LRP1B: variants seen among roughly 807,000 people sequenced by gnomAD.
LRP1B encodes the protein low-density lipoprotein receptor-related protein 1B.
LRP1B carries 217 observed loss-of-function variants against 556.6 expected under a neutral mutation model. That is an observed-to-expected ratio of 0.39 (90% CI 0.35 to 0.44). The LOEUF (loss-of-function observed/expected upper bound fraction) is 0.44. Ranked by LOEUF, LRP1B falls within the 20% of genes least tolerant of loss-of-function variation. The pLI, the probability that LRP1B is intolerant of heterozygous loss-of-function variation, is 1.00. For missense variants in LRP1B, 5,053 were observed against 5,620.8 expected, an observed-to-expected ratio of 0.90 and a Z score of 3.23; for synonymous variants, 2,047 against 1,865.8, an observed-to-expected ratio of 1.10 and a Z score of -2.50.
chr2:140,657,023 T>G (rs1156833505), intron 41 of LRP1B, among the ~76,000 whole-genome samples: 1 of 152,094 alleles, frequency 6.6e-6, no homozygotes, highest in Non-Finnish European at 1.5e-5. Flanking sequence ...TATTATATTT[T>G]AAGTTCCCAA....
intron 17 of LRP1B, among the ~76,000 whole-genome samples, chr2:140,987,779 G>A (rs552915383): frequency 2.8e-4 from 42 of 152,172 alleles, no homozygotes; most frequent in African/African-American, 9.1e-4. Flanking sequence ...GCAGCCAGGA[G>A]TTTGAGACTA....
chr2:140,430,355 T>C (rs979216582), intron 66 of LRP1B, among the ~76,000 whole-genome samples: 2 of 152,324 alleles, frequency 1.3e-5, no homozygotes, highest in Admixed American at 1.3e-4. Context: ...TTATATGCGC[T>C]GAAAGAGGCT....
intron 7 of LRP1B, among the ~76,000 whole-genome samples, chr2:141,159,397 TTTTG>T (rs1012835669): frequency 3.3e-5 from 5 of 152,204 alleles, no homozygotes; most frequent in East Asian, 3.9e-4. Flanking sequence ...ATTTTTGTTT[TTTTG>T]TTTGTTTGTT....
At chr2:140,717,613 G>A (rs1388739006) in intron 35 of LRP1B, among the ~76,000 whole-genome samples, 3 of 152,092 alleles carry the variant, frequency 2.0e-5, no homozygotes, top group African/African-American at 7.2e-5. Flanking sequence ...TTTAAACACA[G>A]CCACCAGAAA....
intron 31 of LRP1B, among the ~76,000 whole-genome samples, chr2:140,835,464 C>T (rs1691866868): frequency 6.6e-6 from 1 of 152,160 alleles, no homozygotes; most frequent in Non-Finnish European, 1.5e-5. Context: ...TAACCTGCCG[C>T]CAGGCTCCAA....
chr2:141,689,812 C>A lies in LRP1B; in HGVS notation c.205+120467G>T, dbSNP rs191578793. ...ATCTATTTTAGGATAGAATAAACAC[C>A]AGTCAGCTGACTTATTTTTAAACAA... is the stretch of plus-strand genomic sequence containing the variant. On this transcript the variant is annotated intron_variant, in intron 2 of 90. Coordinates refer to ENST00000389484, the MANE Select transcript of LRP1B (RefSeq NM_018557.3). Among the ~76,000 whole-genome samples, 14 of 151,788 alleles carry A rather than the reference C, an allele frequency of 9.2e-5. No individual in the cohort carries two copies. In the East Asian group the frequency reaches 1.9e-3, roughly 21 times the overall value.
intron 3 of LRP1B, among the ~76,000 whole-genome samples, chr2:141,450,938 G>T (rs2105022240): frequency 6.6e-6 from 1 of 152,262 alleles, no homozygotes. Flanking sequence ...AACAAAACAT[G>T]CTCCTAATAA....
At chr2:141,459,036 C>T (rs1435160822) in intron 3 of LRP1B, among the ~76,000 whole-genome samples, 1 of 152,160 alleles carries the variant, frequency 6.6e-6, no homozygotes, top group African/African-American at 2.4e-5. Flanking sequence ...CAGAAACACC[C>T]TGATTCACCG....
chr2:141,782,013 A>G (rs1387200506), intron 2 of LRP1B, among the ~76,000 whole-genome samples: 1 of 152,112 alleles, frequency 6.6e-6, no homozygotes, highest in African/African-American at 2.4e-5. Flanking sequence ...TTGGTCTCTG[A>G]CCTATTTTAC....
chr2:142,046,104 G>A (rs1293172871), intron 1 of LRP1B, among the ~76,000 whole-genome samples: 1 of 151,878 alleles, frequency 6.6e-6, no homozygotes, highest in African/African-American at 2.4e-5. Flanking sequence ...AGTACTAAAT[G>A]ACTTCTTAAC....
At chr2:142,036,283 T>G (rs1703874590) in intron 1 of LRP1B, among the ~76,000 whole-genome samples, 1 of 151,670 alleles carries the variant, frequency 6.6e-6, no homozygotes, top group Admixed American at 6.6e-5. Flanking sequence ...ATTTTAAGAA[T>G]GAGAAAGTCA....
intron 1 of LRP1B, among the ~76,000 whole-genome samples, chr2:142,123,689 A>G (rs1204385075): frequency 6.6e-6 from 1 of 151,144 alleles, no homozygotes; most frequent in African/African-American, 2.4e-5. Flanking sequence ...TTCTCTTAAC[A>G]AAGTTGGAAG....
At chr2:141,004,647 T>C (rs1046883849) in intron 15 of LRP1B, among the ~76,000 whole-genome samples, 2 of 152,032 alleles carry the variant, frequency 1.3e-5, no homozygotes, top group African/African-American at 4.8e-5. Flanking sequence ...TCCTATTAGT[T>C]CTGTTTTTCT....
intron 3 of LRP1B, among the ~76,000 whole-genome samples, chr2:141,309,117 A>T (rs1391376050): frequency 6.6e-6 from 1 of 152,164 alleles, no homozygotes; most frequent in Non-Finnish European, 1.5e-5. Context: ...CACATGTGAG[A>T]TACTGCCAGG....
chr2:141,207,131 C>T (rs187792531), intron 6 of LRP1B, among the ~76,000 whole-genome samples: 1 of 152,256 alleles, frequency 6.6e-6, no homozygotes, highest in East Asian at 1.9e-4. Flanking sequence ...TTTCCAAAGG[C>T]ACATTCTAAA....
intron 1 of LRP1B, among the ~76,000 whole-genome samples, chr2:141,898,783 CAT>C (rs1699531879): frequency 1.3e-5 from 2 of 152,070 alleles, no homozygotes; most frequent in Non-Finnish European, 2.9e-5. Flanking sequence ...ACCTACAAGT[CAT>C]CACTATAAAG....
chr2:140,332,208 G>C (rs1680850366), intron 79 of LRP1B, among the ~76,000 whole-genome samples: 1 of 151,904 alleles, frequency 6.6e-6, no homozygotes, highest in South Asian at 2.1e-4. Context: ...TTCTTTATTG[G>C]AGATTATCTT....
At chr2:141,639,363 C>CACACACACAT (rs1458252676) in intron 2 of LRP1B, among the ~76,000 whole-genome samples, 25 of 66,054 alleles carry the variant, frequency 3.8e-4, no homozygotes, top group East Asian at 1.7e-3. Context: ...CACACACACA[C>CACACACACAT]ATATATATAT....
intron 25 of LRP1B, among the ~76,000 whole-genome samples, chr2:140,882,142 T>C (rs1029242575): frequency 6.6e-6 from 1 of 152,168 alleles, no homozygotes; most frequent in African/African-American, 2.4e-5. Context: ...ACTTTTCTTT[T>C]ATTCAGAAAG....
Sources: gnomAD v4.1 joint callset for allele counts (sites outside exome capture counted in the v4.1 genomes callset) on GRCh38, gnomAD v4.1.1 for gene constraint, MANE v1.5 for transcripts, NCBI Gene and HGNC (gene_info 2026-07-23, HGNC 2026-07-21) for gene names.